Variants in PCDHGA4 observed in about 807,000 individuals in gnomAD.
The protein encoded by PCDHGA4 is protocadherin gamma-A4.
In PCDHGA4, 38 loss-of-function variants were observed where a neutral mutation model predicts 54.6. That is an observed-to-expected ratio of 0.70 (90% CI 0.54 to 0.91). The LOEUF is 0.91. Among genes scored for constraint, PCDHGA4 ranks in the 40% least tolerant of loss-of-function variants. The pLI is 0.00. For synonymous variants in PCDHGA4, 511 were observed against 512.9 expected, an observed-to-expected ratio of 1.00 and a Z score of 0.05; for missense variants, 1,298 against 1,220.9, an observed-to-expected ratio of 1.06 and a Z score of -0.94.
intron 1 of PCDHGA4, chr5:141,410,800 T>G: frequency 1.5e-6 from 1 of 678,550 alleles, no homozygotes. Context: ...TAAGTTGCTC[T>G]ATCTTTTTGT....
intron 1 of PCDHGA4, chr5:141,399,574 G>C (rs1191176960): frequency 6.2e-7 from 1 of 1,614,046 alleles, no homozygotes; most frequent in Middle Eastern, 1.6e-4. Flanking sequence ...GAACGGCCAA[G>C]TCTCCTACTC....
chr5:141,454,464 T>C (rs1365696226), intron 1 of PCDHGA4, among the ~76,000 whole-genome samples: 1 of 152,196 alleles, frequency 6.6e-6, no homozygotes, highest in Non-Finnish European at 1.5e-5. Flanking sequence ...TGGAGTGCAA[T>C]GGCATGATCT....
At chr5:141,465,504 G>T (rs2099104593) in intron 1 of PCDHGA4, among the ~76,000 whole-genome samples, 2 of 152,152 alleles carry the variant, frequency 1.3e-5, no homozygotes. Context: ...GCATTGTCGT[G>T]GTCAGGAAGG....
chr5:141,439,118 G>A (rs1293542421), intron 1 of PCDHGA4, among the ~76,000 whole-genome samples: 3 of 151,390 alleles, frequency 2.0e-5, no homozygotes, highest in Non-Finnish European at 4.4e-5. Flanking sequence ...ACTTGAACCC[G>A]GGAGACAGAG....
At chr5:141,368,971 T>G (rs1220013260) in intron 1 of PCDHGA4, among the ~76,000 whole-genome samples, 3 of 152,208 alleles carry the variant, frequency 2.0e-5, no homozygotes, top group Non-Finnish European at 4.4e-5. Context: ...GCTATAATGC[T>G]TTTCCACTAT....
intron 1 of PCDHGA4, chr5:141,421,587 G>A: frequency 1.2e-6 from 2 of 1,613,900 alleles, no homozygotes; most frequent in South Asian, 1.1e-5. Context: ...TTTACGGAGT[G>A]GAGGTGGAAA....
At chr5:141,450,815 A>T (rs183350620) in intron 1 of PCDHGA4, among the ~76,000 whole-genome samples, 1,650 of 126,706 alleles carry the variant, frequency 0.013, 15 homozygotes, top group African/African-American at 0.032. Context: ...TATTTATTTA[A>T]TATTATTATT....
chr5:141,447,329 G>A (rs1328071539), intron 1 of PCDHGA4, among the ~76,000 whole-genome samples: 6 of 151,732 alleles, frequency 4.0e-5, no homozygotes, highest in Admixed American at 1.3e-4. Context: ...TAGTAGAGAC[G>A]GGTTTCATCA....
At chr5:141,505,554 C>T in intron 3 of PCDHGA4, 73 bp downstream of exon 3, 1 of 1,606,130 alleles carries the variant, frequency 6.2e-7, no homozygotes, top group Non-Finnish European at 8.5e-7. Context: ...AGCCACCATG[C>T]CCACGGACTG....
At chr5:141,372,049 T>TG in intron 1 of PCDHGA4, 1 of 1,613,484 alleles carries the variant, frequency 6.2e-7, no homozygotes, top group Non-Finnish European at 8.5e-7. Context: ...CGCGTGTTGG[T>TG]GGACGACCGC....
At chr5:141,415,122 C>G (rs552568826) in intron 1 of PCDHGA4, 1 of 1,613,668 alleles carries the variant, frequency 6.2e-7, no homozygotes, top group Non-Finnish European at 8.5e-7. Context: ...TCGTAGTGGC[C>G]GTCCAGGACC....
intron 1 of PCDHGA4, chr5:141,366,551 G>A (rs372327694): frequency 1.2e-6 from 2 of 1,614,148 alleles, no homozygotes; most frequent in African/African-American, 2.7e-5. Context: ...CTCGCACTTT[G>A]TGGGCGTGGA....
At chr5:141,501,288 T>TATACAC (rs201660636) in intron 2 of PCDHGA4, among the ~76,000 whole-genome samples, 3,536 of 81,176 alleles carry the variant, frequency 0.044, 56 homozygotes, top group Admixed American at 0.065. Flanking sequence ...GATATTCCCT[T>TATACAC]ATACACACAC....
intron 1 of PCDHGA4, chr5:141,423,962 C>A: frequency 1.7e-6 from 2 of 1,168,402 alleles, no homozygotes; most frequent in South Asian, 4.2e-5. Context: ...TATTATTTTT[C>A]TATTATCAGT....
intron 1 of PCDHGA4, chr5:141,419,788 A>G (rs750179874): frequency 6.2e-7 from 1 of 1,614,054 alleles, no homozygotes; most frequent in Non-Finnish European, 8.5e-7. Context: ...AGCGCCTGCT[A>G]GTCGCTGTAA....
rs1203060261 is a variant in PCDHGA4, at chr5:141,493,037, AG to A, written c.2515-1768del. 3.3e-5 allele frequency among the ~76,000 whole-genome samples: 5 copies of A among 152,252 alleles called. No individual in the cohort carries two copies. The highest frequency in any genetic ancestry group is 2.6e-4 in the Admixed American group (4 of 15,290). ...AGATGCCAGGGTGCCCTTATGTGTG[AG>A]GAAACTACAATAGTAAAAAACACAA... is the stretch of plus-strand genomic sequence containing the variant. On this transcript the variant is annotated intron_variant, in intron 1 of 3. Transcript: ENST00000571252. This position sits in a 1 kb window ranked among gnomAD's most constrained non-coding sequence, Gnocchi z 4.3.
At chr5:141,473,002 GAA>G (rs2099311273) in intron 1 of PCDHGA4, among the ~76,000 whole-genome samples, 1 of 143,872 alleles carries the variant, frequency 7.0e-6, no homozygotes, top group East Asian at 2.0e-4. Flanking sequence ...AAAAAAGAAA[GAA>G]AAAGAAAAAG....
In PCDHGA4 at chr5:141,426,967, T is replaced by C. The variant is rs151241654; in HGVS notation, c.2515-67840T>C. 124 of 456,702 alleles carry C rather than the reference T, an allele frequency of 2.7e-4. 1 individual carries two copies. The highest frequency in any genetic ancestry group is 2.1e-3 in the African/African-American group (103 of 50,178). 28.3% of individuals were successfully genotyped at this position (456,702 alleles called of 1,614,324 possible). A position where few individuals can be genotyped will look rare whatever the true frequency, so the allele number is the denominator to read the frequency against. On this transcript the variant is annotated intron_variant, in intron 1 of 3. Coordinates refer to ENST00000571252, the MANE Select transcript of PCDHGA4 (RefSeq NM_018917.4). ...CCAACTGGCACTGCTGCAATTCAAA[T>C]TGAGGTCACTGATGCCAACGATAAT... is the stretch of plus-strand genomic sequence containing the variant.
chr5:141,415,078 G>T (rs780547982), intron 1 of PCDHGA4: 2 of 1,613,376 alleles, frequency 1.2e-6, no homozygotes, highest in Non-Finnish European at 8.5e-7. Context: ...CACGGCGCGA[G>T]CCCTGCTGGA....
Sources: gnomAD v4.1 joint callset for allele counts (sites outside exome capture counted in the v4.1 genomes callset) on GRCh38, gnomAD v4.1.1 for gene constraint, Gnocchi (gnomAD v3.1) non-coding constraint, MANE v1.5 for transcripts, NCBI Gene and HGNC (gene_info 2026-07-23, HGNC 2026-07-21) for gene names.